The following HAS3 variants were observed in gnomAD, a reference collection of about 807,000 sequenced individuals.
The protein encoded by HAS3 is HA synthase 3.
In HAS3, 27 loss-of-function variants were observed where a neutral mutation model predicts 50.3. That is an observed-to-expected ratio of 0.54 (90% CI 0.40 to 0.74). The LOEUF is 0.74. Ranked by LOEUF, HAS3 falls within the 30% of genes least tolerant of loss-of-function variation. The pLI is 0.00. For missense variants in HAS3, 517 were observed against 742.8 expected, an observed-to-expected ratio of 0.70 and a Z score of 3.53; for synonymous variants, 339 against 310.9, an observed-to-expected ratio of 1.09 and a Z score of -0.95.
downstream of HAS3, chr16:69,118,011 C>T (rs1460385980): frequency 2.6e-5 from 8 of 313,428 alleles, no homozygotes; most frequent in Non-Finnish European, 4.8e-5. Flanking sequence ...ACACCAGCAG[C>T]CCTCTCATCC....
chr16:69,109,302 G>C lies in HAS3; in HGVS notation c.1-94G>C. The C allele has an allele frequency of 3.1e-6, 4 of 1,281,108 alleles. No individual in the cohort carries two copies. The South Asian group carries it at 5.7e-5, about 18-fold the overall frequency. 79.4% of individuals were successfully genotyped at this position (1,281,108 alleles called of 1,614,324 possible). ...AAGCGGTAACGGTTTTGATCAGTGG[G>C]TCATGTCCACTAGTAACAGAGAACA... On this transcript the variant is annotated intron_variant, in intron 1 of 3. Transcript: ENST00000569188. This position sits in a 1 kb window ranked among gnomAD's most constrained non-coding sequence, Gnocchi z 5.3.
rs1362714465 is a variant in HAS3, at chr16:69,109,767, C to T, written c.372C>T (p.Gly124=). 1.2e-6 allele frequency: 2 copies of T among 1,611,618 alleles called. No homozygotes were observed. Among genetic ancestry groups the T allele is most frequent in the Non-Finnish European group, 1.7e-6 (2 of 1,180,012 alleles). ...TCAAGGTGGTCATGGTGGTGGATGG[C>T]AACCGCCAGGAGGACGCCTACATGC... ...PDLKVVMVVD[G]NRQEDAYMLD... Residue 124 remains glycine (G), a synonymous_variant, in exon 2 of 4, where the codon GGC becomes GGT. Coordinates refer to ENST00000569188, the MANE Select transcript of HAS3 (RefSeq NM_001199280.2). This position sits in a 1 kb window ranked among gnomAD's most constrained non-coding sequence, Gnocchi z 5.3.
chr16:69,083,828 GC>G, the HAS3 span: 1 of 673,770 alleles, frequency 1.5e-6, no homozygotes, highest in African/African-American at 1.8e-5. Flanking sequence ...CCTTCCGAGG[GC>G]ATGTGTTCAG....
At chr16:69,097,737 T>G in the HAS3 span, among the ~76,000 whole-genome samples, 1 of 152,088 alleles carries the variant, frequency 6.6e-6, no homozygotes, top group African/African-American at 2.4e-5. Flanking sequence ...AGAGCCGTAT[T>G]TAGCATGTGC....
chr16:69,107,221 C>A lies in HAS3; in HGVS notation c.-1+1434C>A, dbSNP rs891899923. 1 of 516,760 alleles carries A rather than the reference C, an allele frequency of 1.9e-6. No homozygotes were observed. The highest frequency in any genetic ancestry group is 1.6e-4 in the East Asian group (1 of 6,356). 32.0% of individuals were successfully genotyped at this position (516,760 alleles called of 1,614,324 possible). On this transcript the variant is annotated intron_variant, in intron 1 of 3. Coordinates refer to ENST00000569188, the MANE Select transcript of HAS3 (RefSeq NM_001199280.2). This position sits in a 1 kb window ranked among gnomAD's most constrained non-coding sequence, Gnocchi z 5.5. ...CAGCCTGCACCAGCGCCTGATTGCA[C>A]GTGGGGTATCTGGCTGAGGGACATT... is the stretch of plus-strand genomic sequence containing the variant.
intron 1 of HAS3, among the ~76,000 whole-genome samples, chr16:69,106,000 G>T (rs1469161171): frequency 6.6e-6 from 1 of 152,250 alleles, no homozygotes; most frequent in Non-Finnish European, 1.5e-5. Flanking sequence ...CGGAGAGGGC[G>T]CAGGGGCTGC....
At position 69,116,824 on chromosome 16, in the gene HAS3, G is replaced by A. The variant is rs1961204625; in HGVS notation, c.*1558G>A. Reference sequence around the variant, plus strand: ...CCTTTGACTTAAGGGTTGCTTGCTTGCCCTCCAAATGTCCTTTCTCAGAGG... The same window carrying A: ...CCTTTGACTTAAGGGTTGCTTGCTTACCCTCCAAATGTCCTTTCTCAGAGG... On this transcript the variant is annotated 3_prime_UTR_variant, in exon 4 of 4. Transcript: ENST00000569188. 1 of 985,278 alleles carries A rather than the reference G, an allele frequency of 1.0e-6. No individual in the cohort carries two copies. Among genetic ancestry groups the A allele is most frequent in the Non-Finnish European group, 1.2e-6 (1 of 829,942 alleles). 61.0% of individuals were successfully genotyped at this position (985,278 alleles called of 1,614,324 possible).
At position 69,109,605 on chromosome 16, in the gene HAS3, G is replaced by C; in HGVS notation, c.210G>C (p.Met70Ile). Reference sequence around the variant, plus strand: ...TTGCCTTCCTGGAGCACCGGCGCATGCGACGTGCCGGCCAGGCCCTGAAGC... The same window carrying C: ...TTGCCTTCCTGGAGCACCGGCGCATCCGACGTGCCGGCCAGGCCCTGAAGC... Reference protein sequence around the residue: ...SLFAFLEHRRMRRAGQALKLP... With the variant: ...SLFAFLEHRRIRRAGQALKLP... Residue 70 changes from methionine (M) to isoleucine (I), a missense_variant, in exon 2 of 4, where the codon ATG (methionine) becomes ATC (isoleucine). Met to Ile is a conservative substitution (Grantham distance 10, BLOSUM62 1). Coordinates refer to ENST00000569188, the MANE Select transcript of HAS3 (RefSeq NM_001199280.2). The surrounding 1 kb of genome is among the most constrained non-coding windows in gnomAD (Gnocchi z 5.3). 6.2e-7 allele frequency: 1 copy of C among 1,612,372 alleles called. No homozygotes were observed. The highest frequency in any genetic ancestry group is 8.5e-7 in the Non-Finnish European group (1 of 1,179,876).
At chr16:69,093,900 C>G in the HAS3 span, among the ~76,000 whole-genome samples, 1 of 152,262 alleles carries the variant, frequency 6.6e-6, no homozygotes, top group Non-Finnish European at 1.5e-5. Flanking sequence ...TAGCTCTATT[C>G]CCATACCATT....
chr16:69,088,025 T>A, the HAS3 span, among the ~76,000 whole-genome samples: 4 of 151,946 alleles, frequency 2.6e-5, no homozygotes, highest in African/African-American at 9.7e-5. Context: ...TGTTCACCCC[T>A]CTCCTCCACT....
At chr16:69,102,212 T>C (rs1420690999), upstream of HAS3, among the ~76,000 whole-genome samples, 2 of 152,216 alleles carry the variant, frequency 1.3e-5, no homozygotes, top group African/African-American at 2.4e-5. Flanking sequence ...GTTTGTTAAA[T>C]GAGTGTTGTA....
chr16:69,110,362 A>T (rs1199619159), intron 2 of HAS3, among the ~76,000 whole-genome samples: 1 of 152,098 alleles, frequency 6.6e-6, no homozygotes, highest in Non-Finnish European at 1.5e-5. Context: ...GAGGCAGGAG[A>T]ATGGCTCCTG....
chr16:69,117,194 C>A lies in HAS3; in HGVS notation c.*1928C>A. 1 of 985,864 alleles carries A rather than the reference C, an allele frequency of 1.0e-6. No homozygotes were observed. The highest frequency in any genetic ancestry group is 1.2e-6 in the Non-Finnish European group (1 of 829,938). 61.1% of individuals were successfully genotyped at this position (985,864 alleles called of 1,614,324 possible). The stretch of plus-strand genomic sequence containing the variant: ...TTTGAGCATTAGAATGGAGGAAATC[C>A]GGTCAGCCAAGTGCAGAGTTCAGAC... On this transcript the variant is annotated 3_prime_UTR_variant, in exon 4 of 4. Transcript: ENST00000569188.
the HAS3 span, among the ~76,000 whole-genome samples, chr16:69,089,794 G>A: frequency 6.6e-6 from 1 of 152,192 alleles, no homozygotes; most frequent in African/African-American, 2.4e-5. Flanking sequence ...TCTTCATAGG[G>A]AGTCCGTAGC....
the HAS3 span, among the ~76,000 whole-genome samples, chr16:69,088,196 A>G: frequency 7.2e-5 from 11 of 152,300 alleles, no homozygotes; most frequent in South Asian, 1.0e-3. Context: ...ACAGTGAACA[A>G]AACAGAACTC....
the HAS3 span, among the ~76,000 whole-genome samples, chr16:69,099,164 G>A: frequency 6.6e-6 from 1 of 151,440 alleles, no homozygotes; most frequent in Non-Finnish European, 1.5e-5. Context: ...GTAGAGACGG[G>A]GTTTCACCGT....
chr16:69,102,000 G>C (rs552585875), upstream of HAS3, among the ~76,000 whole-genome samples: 17 of 152,268 alleles, frequency 1.1e-4, no homozygotes, highest in South Asian at 3.1e-3. Flanking sequence ...TGGCCAGGCT[G>C]GTCTTAAACT....
At chr16:69,112,192 C>T (rs537436753) in intron 2 of HAS3, among the ~76,000 whole-genome samples, 4 of 152,362 alleles carry the variant, frequency 2.6e-5, no homozygotes, top group Non-Finnish European at 5.9e-5. Flanking sequence ...AAAGAATGGG[C>T]TAGGGCAGGG....
the HAS3 span, among the ~76,000 whole-genome samples, chr16:69,087,908 T>C: frequency 6.6e-6 from 1 of 151,124 alleles, no homozygotes; most frequent in South Asian, 2.1e-4. Context: ...TTCGCCATGT[T>C]AGCCAGGCTG....
Sources: gnomAD v4.1 joint callset for allele counts (sites outside exome capture counted in the v4.1 genomes callset) on GRCh38, gnomAD v4.1.1 for gene constraint, Gnocchi (gnomAD v3.1) non-coding constraint, MANE v1.5 for transcripts, NCBI Gene and HGNC (gene_info 2026-07-23, HGNC 2026-07-21) for gene names.